KDM4C: variants seen among roughly 807,000 people sequenced by gnomAD.
KDM4C encodes the protein lysine demethylase 4C.
In KDM4C, 81 loss-of-function variants were observed where a neutral mutation model predicts 129.3. The ratio of observed to expected loss-of-function variants is 0.63; its 90% CI spans 0.52 to 0.75. The LOEUF (loss-of-function observed/expected upper bound fraction) is 0.75. Ranked by LOEUF, KDM4C falls within the 30% of genes least tolerant of loss-of-function variation. The pLI is 0.00. For missense variants in KDM4C, 1,457 were observed against 1,304.0 expected, an observed-to-expected ratio of 1.12 and a Z score of -1.81; for synonymous variants, 573 against 456.1, an observed-to-expected ratio of 1.26 and a Z score of -3.26.
At chr9:7,037,656 AC>A (rs1333036053) in intron 15 of KDM4C, among the ~76,000 whole-genome samples, 6 of 152,124 alleles carry the variant, frequency 3.9e-5, no homozygotes, top group Non-Finnish European at 8.8e-5. Context: ...AGCGAAAGGG[AC>A]CTCATCAGGA....
chr9:7,062,053 C>T (rs1021502773), intron 17 of KDM4C, among the ~76,000 whole-genome samples: 27 of 150,560 alleles, frequency 1.8e-4, no homozygotes, highest in African/African-American at 5.4e-4. Flanking sequence ...CTGCAAGCTC[C>T]GCCTCCCAGG....
In KDM4C at chr9:6,789,571, G is replaced by T. The variant is rs866176871; in HGVS notation, c.-17-3401G>T. Among the ~76,000 whole-genome samples the T allele has an allele frequency of 1.3e-4, 19 of 151,960 alleles. No individual in the cohort carries two copies. In the East Asian group the frequency reaches 3.1e-3, roughly 25 times the overall value. On this transcript the variant is annotated intron_variant, in intron 1 of 21. Transcript: ENST00000381309. ...TTTAGAGACAGGGTTTCGCCATGTT[G>T]CCCAGGCTGGTCTCCAACTCCTGGA...
In KDM4C at chr9:6,738,331, A is replaced by C. The variant is rs116470532; in HGVS notation, c.49+17334A>C. Reference sequence around the variant, plus strand: ...GTCTCTACTAAAAATACAAAATTAGAAGGGCATGGTGGCACATGCTGTAAT... The same window carrying C: ...GTCTCTACTAAAAATACAAAATTAGCAGGGCATGGTGGCACATGCTGTAAT... On this transcript the variant is annotated intron_variant, in intron 1 of 17. Coordinates refer to the KDM4C transcript ENST00000536108. Among the ~76,000 whole-genome samples the C allele has an allele frequency of 9.5e-3, 1,436 of 151,612 alleles. 20 individuals carry two copies. Among genetic ancestry groups the C allele is most frequent in the African/African-American group, 0.033 (1,367 of 41,324 alleles).
At chr9:7,063,685 G>T (rs1456874419) in intron 17 of KDM4C, among the ~76,000 whole-genome samples, 1 of 152,218 alleles carries the variant, frequency 6.6e-6, no homozygotes, top group East Asian at 1.9e-4. Flanking sequence ...GCAAAATGTA[G>T]TGAAGGACCT....
rs1056964618 is a variant in KDM4C at position 7,096,250 on chromosome 9, C to T, written c.2425-7435C>T. Among the ~76,000 whole-genome samples, 5 of 152,134 alleles carry T rather than the reference C, an allele frequency of 3.3e-5. No homozygotes were observed. The South Asian group carries it at 1.0e-3, about 32-fold the overall frequency. On this transcript the variant is annotated intron_variant, in intron 17 of 21. Transcript: ENST00000381309. ...AGCAAATGCTGCTGTGTGCTATCAGCGAAGTGCTTCTTTCAACATGAGATT... is the reference window on the plus strand; with the variant it reads ...AGCAAATGCTGCTGTGTGCTATCAGTGAAGTGCTTCTTTCAACATGAGATT...
chr9:6,891,863 AAAAG>A (rs1294814639), intron 7 of KDM4C, among the ~76,000 whole-genome samples: 2 of 152,192 alleles, frequency 1.3e-5, no homozygotes, highest in African/African-American at 4.8e-5. Context: ...TTATCATAAA[AAAAG>A]AAAATAGGGG....
intron 8 of KDM4C, among the ~76,000 whole-genome samples, chr9:6,905,429 G>T (rs12349786): frequency 0.075 from 11,413 of 152,190 alleles, 1,082 homozygotes; most frequent in African/African-American, 0.22. Flanking sequence ...TAGTTTGGGG[G>T]AACATACTTA....
At chr9:7,038,272 C>G (rs958749244) in intron 15 of KDM4C, among the ~76,000 whole-genome samples, 3 of 152,048 alleles carry the variant, frequency 2.0e-5, no homozygotes, top group African/African-American at 7.2e-5. Flanking sequence ...TCAAGAAAGT[C>G]TCCCATTTCC....
Position 7,015,897 on chromosome 9 carries a change from T to A in KDM4C, c.2227T>A (p.Cys743Ser). 6.2e-7 allele frequency: 1 copy of A among 1,613,314 alleles called. No homozygotes were observed. Among genetic ancestry groups the A allele is most frequent in the Non-Finnish European group, 8.5e-7 (1 of 1,179,428 alleles). Reference sequence around the variant, plus strand: ...TCATGAGATCTGTGATGGATGGCTGTGTGCCCGGTGCAAAAGAAATGCGTG... The same window carrying A: ...TCATGAGATCTGTGATGGATGGCTGAGTGCCCGGTGCAAAAGAAATGCGTG... ...PSHEICDGWL[C>S]ARCKRNAWTA... is the part of the protein sequence containing the mutation. Residue 743 changes from cysteine to serine, a missense_variant, in exon 15 of 22, where the codon TGT becomes AGT. By Grantham distance (112) the Cys-to-Ser change is moderately radical. Transcript: ENST00000381309.
intron 1 of KDM4C, among the ~76,000 whole-genome samples, chr9:6,728,554 G>C (rs1413759707): frequency 6.9e-6 from 1 of 145,412 alleles, no homozygotes; most frequent in South Asian, 2.2e-4. Context: ...AACAAAAAAC[G>C]AAGTATTCTT....
rs574787612 is a variant in KDM4C at position 6,750,216 on chromosome 9, G to A, written c.49+29219G>A. ...AGCACTTTGGGAGGCTGAGGTGGGC[G>A]GATCACGAAGTCAGGAGTTCGAGAC... is the stretch of plus-strand genomic sequence containing the variant. On this transcript the variant is annotated intron_variant, in intron 1 of 17. Transcript: ENST00000536108. Among the ~76,000 whole-genome samples, 7 of 151,732 alleles carry A rather than the reference G, an allele frequency of 4.6e-5. 1 individual carries two copies. The South Asian group carries it at 6.3e-4, about 14-fold the overall frequency.
chr9:7,033,627 C>G (rs1827151852), intron 15 of KDM4C, among the ~76,000 whole-genome samples: 2 of 152,158 alleles, frequency 1.3e-5, no homozygotes, highest in African/African-American at 4.8e-5. Flanking sequence ...TTTCTCTGTT[C>G]TTTCCTCTTT....
intron 13 of KDM4C, 149 bp from the exon 14 acceptor site, chr9:7,013,639 A>G (rs1823099908): frequency 1.5e-6 from 1 of 682,470 alleles, no homozygotes; most frequent in African/African-American, 1.9e-5. Flanking sequence ...TATTGATTTA[A>G]AAAAAACTAG....
At chr9:6,824,737 A>G (rs963425636) in intron 4 of KDM4C, among the ~76,000 whole-genome samples, 5 of 152,174 alleles carry the variant, frequency 3.3e-5, no homozygotes, top group Admixed American at 1.3e-4. Context: ...AGGTGACCAT[A>G]GGGTAGAGAG....
At chr9:6,765,817 C>G (rs1312192879) in intron 1 of KDM4C, among the ~76,000 whole-genome samples, 1 of 152,102 alleles carries the variant, frequency 6.6e-6, no homozygotes, top group Admixed American at 6.6e-5. Flanking sequence ...GGGATGGAGT[C>G]TTTCTCTGTC....
intron 8 of KDM4C, among the ~76,000 whole-genome samples, chr9:6,936,609 C>G (rs1824840324): frequency 6.6e-6 from 1 of 152,164 alleles, no homozygotes; most frequent in Non-Finnish European, 1.5e-5. Context: ...AGGTTGAACG[C>G]CATATCATTC....
chr9:6,921,918 A>G (rs777338102), intron 8 of KDM4C, among the ~76,000 whole-genome samples: 6 of 151,840 alleles, frequency 4.0e-5, no homozygotes, highest in Admixed American at 2.6e-4. Flanking sequence ...CCCCTCCCCA[A>G]TCTGCATGGC....
chr9:6,953,676 C>G (rs1179017606), intron 8 of KDM4C, among the ~76,000 whole-genome samples: 2 of 152,112 alleles, frequency 1.3e-5, no homozygotes, highest in African/African-American at 4.8e-5. Context: ...CTTGCTGATC[C>G]TCAGATATGA....
At chr9:7,007,884 AC>A (rs1345949407) in intron 12 of KDM4C, among the ~76,000 whole-genome samples, 1 of 152,172 alleles carries the variant, frequency 6.6e-6, no homozygotes, top group East Asian at 1.9e-4. Flanking sequence ...GATTTTCCCA[AC>A]CCATAAAAAA....
Sources: allele counts gnomAD v4.1 joint callset (sites outside exome capture counted in the v4.1 genomes callset), GRCh38; gene constraint gnomAD v4.1.1; transcripts MANE v1.5; gene names NCBI Gene and HGNC (gene_info 2026-07-23, HGNC 2026-07-21).